Variants in CLN8 observed in about 807,000 individuals in gnomAD.
CLN8 encodes CLN8 transmembrane ER and ERGIC protein.
Under a neutral mutation model 15.7 loss-of-function variants are expected in CLN8, and 14 were observed. That is an observed-to-expected ratio of 0.89 (90% CI 0.59 to 1.39). The LOEUF (loss-of-function observed/expected upper bound fraction) is 1.39. Ranked by LOEUF, CLN8 falls within the 40% of genes most tolerant of loss-of-function variation. CLN8 has a pLI of 0.00. For synonymous variants in CLN8, 188 were observed against 151.0 expected, an observed-to-expected ratio of 1.25 and a Z score of -1.80; for missense variants, 415 against 364.0, an observed-to-expected ratio of 1.14 and a Z score of -1.14.
intron 2 of CLN8, among the ~76,000 whole-genome samples, chr8:1,775,365 G>A (rs1210413696): frequency 6.6e-6 from 1 of 152,122 alleles, no homozygotes; most frequent in Non-Finnish European, 1.5e-5. Context: ...GGATACTGAG[G>A]GTGACTGTAT....
At position 1,780,415 on chromosome 8, in the gene CLN8, G is replaced by T; in HGVS notation, c.709G>T (p.Gly237Ter). 1 of 1,614,156 alleles carries T rather than the reference G, an allele frequency of 6.2e-7. No homozygotes were observed. The highest frequency in any genetic ancestry group is 8.5e-7 in the Non-Finnish European group (1 of 1,180,038). ...YLPHLTLFLV[G>*]LALLTLIINP... is the part of the protein sequence containing the mutation. ...GCCTCATTTGACACTGTTCCTTGTC[G>T]GACTGGCTCTGCTTACGCTAATCAT... Residue 237 changes from glycine to a stop codon, truncating the protein, a stop_gained, in exon 3 of 3, where the codon GGA becomes TGA. Coordinates refer to ENST00000331222, the MANE Select transcript of CLN8 (RefSeq NM_018941.4). LOFTEE classifies it high-confidence loss of function.
intron 1 of CLN8, among the ~76,000 whole-genome samples, chr8:1,756,390 A>T (rs1190086877): frequency 6.6e-6 from 1 of 151,700 alleles, no homozygotes; most frequent in African/African-American, 2.4e-5. Flanking sequence ...AGGCTGAGGC[A>T]GGAGAATTGC....
intron 1 of CLN8, among the ~76,000 whole-genome samples, chr8:1,766,007 C>G (rs554980324): frequency 6.6e-6 from 1 of 152,146 alleles, no homozygotes; most frequent in African/African-American, 2.4e-5. Flanking sequence ...GCAGTTTAGC[C>G]CCCATAAACC....
At position 1,770,979 on chromosome 8, in the gene CLN8, A is replaced by C; in HGVS notation, c.-76A>C. ...TCCCAGGGACCGCTGCACTGACTTCATTTCCTTAGACAAGACACAGTGTAG... is the reference window on the plus strand; with the variant it reads ...TCCCAGGGACCGCTGCACTGACTTCCTTTCCTTAGACAAGACACAGTGTAG... On this transcript the variant is annotated 5_prime_UTR_variant, in exon 2 of 3. Coordinates refer to ENST00000331222, the MANE Select transcript of CLN8 (RefSeq NM_018941.4). 7.1e-7 allele frequency: 1 copy of C among 1,411,102 alleles called. No individual in the cohort carries two copies. The highest frequency in any genetic ancestry group is 1.0e-6 in the Non-Finnish European group (1 of 1,000,656). The allele number at this position is 1,411,102 out of a possible 1,614,324, so 87.4% of individuals were successfully genotyped here. A position where few individuals can be genotyped will look rare whatever the true frequency, so the allele number is the denominator to read the frequency against.
intron 2 of CLN8, chr8:1,779,905 T>A (rs1400570553): frequency 7.2e-6 from 7 of 972,724 alleles, no homozygotes; most frequent in Non-Finnish European, 7.3e-6. Context: ...ATTGTTTATT[T>A]ACTTAATATG....
intron 2 of CLN8, among the ~76,000 whole-genome samples, chr8:1,771,997 A>G (rs1051893678): frequency 8.6e-5 from 13 of 151,938 alleles, no homozygotes; most frequent in East Asian, 1.9e-4. Context: ...GTACAATGGC[A>G]TGGTTTCGGC....
intron 1 of CLN8, 79 bp from the exon 2 acceptor site, chr8:1,770,853 T>C (rs1801268588): frequency 1.6e-6 from 1 of 610,912 alleles, no homozygotes; most frequent in Admixed American, 2.8e-5. Context: ...TATTTTGTAG[T>C]TTAATGTTTG....
intron 2 of CLN8, among the ~76,000 whole-genome samples, chr8:1,779,794 A>G (rs564120068): frequency 6.6e-6 from 1 of 152,214 alleles, no homozygotes; most frequent in Non-Finnish European, 1.5e-5. Context: ...TCTTCTTATG[A>G]CACTAATCTC....
At chr8:1,753,519 C>G (rs189583778), upstream of CLN8, among the ~76,000 whole-genome samples, 42 of 127,148 alleles carry the variant, frequency 3.3e-4, no homozygotes, top group African/African-American at 1.2e-3. Context: ...TGCAGTGAGC[C>G]AAGATCACGC....
At chr8:1,772,050 G>A (rs1344066133) in intron 2 of CLN8, among the ~76,000 whole-genome samples, 3 of 151,442 alleles carry the variant, frequency 2.0e-5, no homozygotes, top group East Asian at 2.0e-4. Context: ...ATTCTCCTGC[G>A]TCAGCCTCCC....
At chr8:1,775,111 A>G (rs180865167) in intron 2 of CLN8, among the ~76,000 whole-genome samples, 175 of 152,362 alleles carry the variant, frequency 1.1e-3, no homozygotes, top group Non-Finnish European at 1.6e-3. Context: ...CTGTGGATCA[A>G]AAATATTTGG....
intron 1 of CLN8, chr8:1,765,340 G>T (rs1352756337): frequency 6.6e-6 from 1 of 152,202 alleles, no homozygotes; most frequent in Admixed American, 6.5e-5. Flanking sequence ...TATGTAAAAA[G>T]AAGAGTTTAT....
At chr8:1,775,122 G>GA in intron 2 of CLN8, among the ~76,000 whole-genome samples, 1 of 151,698 alleles carries the variant, frequency 6.6e-6, no homozygotes, top group Non-Finnish European at 1.5e-5. Flanking sequence ...AAATATTTGG[G>GA]AAAAATTTAA....
rs539737316 is a variant in CLN8 at position 1,779,193 on chromosome 8, T to A, written c.544-1057T>A. On this transcript the variant is annotated intron_variant, in intron 2 of 2. Transcript: ENST00000331222. ...AGGGGACTGTCTATAACAGCTAATA[T>A]ACCTGGGGCTTTAAATATTCAAAAA... is the stretch of plus-strand genomic sequence containing the variant. Among the ~76,000 whole-genome samples, 3 of 152,318 alleles carry A rather than the reference T, an allele frequency of 2.0e-5. No homozygotes were observed. The South Asian group carries it at 6.2e-4, about 32-fold the overall frequency.
chr8:1,765,376 G>T (rs1458449769), intron 1 of CLN8, among the ~76,000 whole-genome samples: 1 of 152,104 alleles, frequency 6.6e-6, no homozygotes, highest in Non-Finnish European at 1.5e-5. Flanking sequence ...TGACCCAGCA[G>T]GCACCAAAAA....
intron 2 of CLN8, among the ~76,000 whole-genome samples, chr8:1,779,378 G>A (rs1801633192): frequency 6.6e-6 from 1 of 152,074 alleles, no homozygotes; most frequent in African/African-American, 2.4e-5. Flanking sequence ...AAATTAGCTG[G>A]GATTACATGG....
chr8:1,767,690 G>C (rs1430473343), intron 1 of CLN8, among the ~76,000 whole-genome samples: 1 of 141,476 alleles, frequency 7.1e-6, no homozygotes, highest in African/African-American at 2.7e-5. Flanking sequence ...TCCTGCCTCA[G>C]CCTCCCAAGT....
intron 1 of CLN8, among the ~76,000 whole-genome samples, chr8:1,769,796 A>G (rs1471940435): frequency 6.6e-6 from 1 of 152,062 alleles, no homozygotes; most frequent in African/African-American, 2.4e-5. Context: ...GTGTTCCATA[A>G]ATGTTTCTTG....
chr8:1,772,669 G>A (rs969959960), intron 2 of CLN8, among the ~76,000 whole-genome samples: 1 of 151,680 alleles, frequency 6.6e-6, no homozygotes, highest in Non-Finnish European at 1.5e-5. Flanking sequence ...TAGTAGAGAC[G>A]GAGTTTCACT....
Sources: gnomAD v4.1 joint callset for allele counts (sites outside exome capture counted in the v4.1 genomes callset) on GRCh38, gnomAD v4.1.1 for gene constraint, MANE v1.5 for transcripts, NCBI Gene and HGNC (gene_info 2026-07-23, HGNC 2026-07-21) for gene names.